The following DAGLA variants were observed in gnomAD, a reference collection of about 807,000 sequenced individuals.
The protein encoded by DAGLA is diacylglycerol lipase-alpha.
Under a neutral mutation model 102.6 loss-of-function variants are expected in DAGLA, and 22 were observed. The ratio of observed to expected loss-of-function variants is 0.21; its 90% CI spans 0.15 to 0.31. DAGLA has a LOEUF of 0.31. Among genes scored for constraint, DAGLA ranks in the 10% least tolerant of loss-of-function variants. DAGLA has a pLI of 1.00. For synonymous variants in DAGLA, 578 were observed against 628.9 expected (o/e 0.92, Z 1.21); for missense variants, 927 against 1,446.6 (o/e 0.64, Z 5.83).
At chr11:61,700,807 A>G (rs1476859013) in intron 1 of DAGLA, among the ~76,000 whole-genome samples, 1 of 152,196 alleles carries the variant, frequency 6.6e-6, no homozygotes, top group African/African-American at 2.4e-5. Flanking sequence ...AGAGAGTGCC[A>G]GCCTGAACGG....
At chr11:61,692,680 G>A (rs1255174304) in intron 1 of DAGLA, among the ~76,000 whole-genome samples, 1 of 152,026 alleles carries the variant, frequency 6.6e-6, no homozygotes, top group Non-Finnish European at 1.5e-5. Flanking sequence ...TGTCACCAAA[G>A]CCCAGGACCC....
At chr11:61,732,447 A>G (rs961689824) in intron 9 of DAGLA, among the ~76,000 whole-genome samples, 1 of 151,936 alleles carries the variant, frequency 6.6e-6, no homozygotes, top group African/African-American at 2.4e-5. Context: ...GTGGCAGAGA[A>G]CTCTTCAAAA....
chr11:61,720,003 G>T lies in DAGLA; in HGVS notation c.-44-109G>T, dbSNP rs575071421. On this transcript the variant is annotated intron_variant, in intron 1 of 19. Transcript: ENST00000257215. ...ACTTCCAGTGGCCAGCTCCAAAAAT[G>T]CCTGTGCTTCTGGCCACACCGGGGA... 9 of 699,334 alleles carry T rather than the reference G, an allele frequency of 1.3e-5. No individual in the cohort carries two copies. The East Asian group carries it at 2.4e-4, about 19-fold the overall frequency. 43.3% of individuals were successfully genotyped at this position (699,334 alleles called of 1,614,324 possible).
intron 16 of DAGLA, among the ~76,000 whole-genome samples, chr11:61,738,701 C>G (rs1236498302): frequency 1.3e-5 from 2 of 151,990 alleles, no homozygotes; most frequent in Non-Finnish European, 2.9e-5. Context: ...TAATCCGCAT[C>G]AGGTCTCTGG....
chr11:61,724,064 T>C (rs1388116878), intron 5 of DAGLA, among the ~76,000 whole-genome samples: 1 of 152,170 alleles, frequency 6.6e-6, no homozygotes, highest in Non-Finnish European at 1.5e-5. Flanking sequence ...GCCCAGGCAG[T>C]CTGGCCTTAG....
At chr11:61,738,332 G>A in intron 16 of DAGLA, 125 bp downstream of exon 16, 2 of 747,382 alleles carry the variant, frequency 2.7e-6, no homozygotes, top group Non-Finnish European at 2.2e-6. Context: ...GGGTGTGGCT[G>A]GTGTTGTGGG....
intron 16 of DAGLA, among the ~76,000 whole-genome samples, chr11:61,738,783 G>A (rs1016530980): frequency 2.0e-5 from 3 of 152,144 alleles, no homozygotes; most frequent in Non-Finnish European, 2.9e-5. Flanking sequence ...GCAGGCCAGC[G>A]CAGGAGGAGA....
intron 1 of DAGLA, among the ~76,000 whole-genome samples, chr11:61,708,153 GC>G (rs2065165185): frequency 1.3e-5 from 2 of 151,948 alleles, no homozygotes; most frequent in African/African-American, 2.4e-5. Flanking sequence ...GACTACAGGT[GC>G]CCCCCACCAT....
At chr11:61,696,588 G>A (rs978129876) in intron 1 of DAGLA, among the ~76,000 whole-genome samples, 1 of 152,020 alleles carries the variant, frequency 6.6e-6, no homozygotes, top group Non-Finnish European at 1.5e-5. Context: ...TGGGCGACCC[G>A]GGGTTGGGGG....
intron 1 of DAGLA, among the ~76,000 whole-genome samples, chr11:61,703,946 A>ATT (rs1379167450): frequency 6.6e-6 from 1 of 152,196 alleles, no homozygotes; most frequent in Non-Finnish European, 1.5e-5. Context: ...AAGAGCTATG[A>ATT]TTGGACACAA....
intron 19 of DAGLA, 86 bp downstream of exon 19, chr11:61,741,435 C>A: frequency 7.0e-7 from 1 of 1,424,116 alleles, no homozygotes; most frequent in Non-Finnish European, 9.5e-7. Flanking sequence ...TTTGTGCATG[C>A]ACTGGGCTCA....
At chr11:61,683,948 C>T (rs1020123875) in intron 1 of DAGLA, among the ~76,000 whole-genome samples, 4 of 152,192 alleles carry the variant, frequency 2.6e-5, no homozygotes, top group Admixed American at 6.5e-5. Flanking sequence ...TTTCCTTGTC[C>T]ATGTTTCTCT....
intron 1 of DAGLA, among the ~76,000 whole-genome samples, chr11:61,687,145 A>G (rs114424998): frequency 0.023 from 3,499 of 151,956 alleles, 135 homozygotes; most frequent in African/African-American, 0.079. Flanking sequence ...CATCCCTCCA[A>G]CCTCCATCTT....
intron 1 of DAGLA, among the ~76,000 whole-genome samples, chr11:61,690,863 C>T (rs1029760419): frequency 2.0e-5 from 3 of 152,210 alleles, no homozygotes; most frequent in African/African-American, 4.8e-5. Flanking sequence ...AAGCCCTCGC[C>T]GCTCCCCACA....
At chr11:61,682,210 G>T (rs1285558038) in intron 1 of DAGLA, among the ~76,000 whole-genome samples, 2 of 152,160 alleles carry the variant, frequency 1.3e-5, no homozygotes, top group Admixed American at 1.3e-4. Context: ...TCACATGGTG[G>T]TCTGGTAGTA....
intron 1 of DAGLA, among the ~76,000 whole-genome samples, chr11:61,682,133 C>T (rs138001606): frequency 7.4e-4 from 113 of 152,246 alleles, no homozygotes; most frequent in African/African-American, 2.6e-3. Flanking sequence ...GCCTTTGGAG[C>T]CATATCACTT....
At chr11:61,732,087 G>A (rs2065379871) in intron 9 of DAGLA, among the ~76,000 whole-genome samples, 1 of 152,174 alleles carries the variant, frequency 6.6e-6, no homozygotes, top group Non-Finnish European at 1.5e-5. Flanking sequence ...TCCTAAGTGG[G>A]CCAGAGAAGG....
chr11:61,696,974 C>T (rs1323301166), intron 1 of DAGLA, among the ~76,000 whole-genome samples: 1 of 151,984 alleles, frequency 6.6e-6, no homozygotes, highest in Non-Finnish European at 1.5e-5. Context: ...GGAGGGAGGT[C>T]ACCCATGACC....
intron 1 of DAGLA, among the ~76,000 whole-genome samples, chr11:61,693,569 G>T (rs1022389674): frequency 6.6e-6 from 1 of 152,194 alleles, no homozygotes; most frequent in South Asian, 2.1e-4. Flanking sequence ...GGCTGGTCTC[G>T]ATCTCCTGAT....
Sources: gnomAD v4.1 joint callset for allele counts (sites outside exome capture counted in the v4.1 genomes callset) on GRCh38, gnomAD v4.1.1 for gene constraint, MANE v1.5 for transcripts, NCBI Gene and HGNC (gene_info 2026-07-23, HGNC 2026-07-21) for gene names.